CDKN2B-AS1: variants seen among roughly 807,000 people sequenced by gnomAD.
The protein encoded by CDKN2B-AS1 is CDKN2B and CDKN2A antisense cis and trans regulatory RNA 1, also known as CDKN2B antisense RNA 1 (non-protein coding).
intron 4 of CDKN2B-AS1, among the ~76,000 whole-genome samples, chr9:22,126,226 A>G (rs903534290): frequency 6.6e-6 from 1 of 152,220 alleles, no homozygotes; most frequent in African/African-American, 2.4e-5. Context: ...GTTCCAACCT[A>G]TGTTTTTCCA....
chr9:22,123,805 T>A (rs1357629536), intron 4 of CDKN2B-AS1, among the ~76,000 whole-genome samples: 2 of 152,080 alleles, frequency 1.3e-5, no homozygotes, highest in Non-Finnish European at 2.9e-5. Context: ...GTGAGGAAGA[T>A]TTAAAACAAA....
rs1411015630 is a variant in CDKN2B-AS1, at chr9:22,005,231, A to ATC, written n.29+10075_29+10076dup. The ATC allele has an allele frequency of 4.3e-6, 1 of 232,660 alleles. No individual in the cohort carries two copies. Among genetic ancestry groups the ATC allele is most frequent in the African/African-American group, 2.2e-5 (1 of 45,284 alleles). The allele number at this position is 232,660 out of a possible 1,614,324, so 14.4% of individuals were successfully genotyped here. On this transcript the variant is annotated intron_variant and non_coding_transcript_variant, in intron 1 of 4. Coordinates refer to ENST00000650946, the Ensembl canonical transcript of CDKN2B-AS1. The surrounding 1 kb of genome is among the most constrained non-coding windows in gnomAD (Gnocchi z 4.9). Reference sequence around the variant, plus strand: ...TAGTCTGCCTGCGGAACCCGCGGGAATCTCTCCTCAGTGTAGTAAGAGCAA... The same window carrying ATC: ...TAGTCTGCCTGCGGAACCCGCGGGAATCTCTCTCCTCAGTGTAGTAAGAGCAA...
intron 2 of CDKN2B-AS1, among the ~76,000 whole-genome samples, chr9:22,048,228 A>G (rs1202406065): frequency 6.6e-6 from 1 of 152,144 alleles, no homozygotes; most frequent in Non-Finnish European, 1.5e-5. Context: ...TTGCCCATGC[A>G]CTCAGCAGAA....
intron 4 of CDKN2B-AS1, among the ~76,000 whole-genome samples, chr9:22,113,120 C>G (rs374080023): frequency 2.0e-4 from 30 of 152,282 alleles, no homozygotes; most frequent in African/African-American, 6.3e-4. Context: ...TGTGTCAGAC[C>G]TCCAGGCACT....
chr9:22,038,017 A>G lies in CDKN2B-AS1; in HGVS notation n.30-8734A>G, dbSNP rs548032511. On this transcript the variant is annotated intron_variant and non_coding_transcript_variant, in intron 1 of 4. Transcript: ENST00000650946. ...AAAGCAGTCTTGCACAAGTGCTTTG[A>G]AAAGCCTCTTGCACAATTTTATTTC... 3.3e-5 allele frequency among the ~76,000 whole-genome samples: 5 copies of G among 152,210 alleles called. No individual in the cohort carries two copies. The East Asian group carries it at 9.7e-4, about 29-fold the overall frequency.
chr9:22,047,891 G>A (rs1022941563), intron 2 of CDKN2B-AS1, among the ~76,000 whole-genome samples: 10 of 150,862 alleles, frequency 6.6e-5, no homozygotes, highest in South Asian at 2.1e-4. Context: ...GGCTATAGTC[G>A]TCCTCCTGCC....
chr9:22,018,077 A>C (rs1821854392), intron 1 of CDKN2B-AS1, among the ~76,000 whole-genome samples: 1 of 152,134 alleles, frequency 6.6e-6, no homozygotes, highest in African/African-American at 2.4e-5. Flanking sequence ...TAATCCCAGC[A>C]CTTTGGGAGG....
intron 1 of CDKN2B-AS1, among the ~76,000 whole-genome samples, chr9:22,027,443 G>A (rs866498451): frequency 2.6e-5 from 4 of 152,110 alleles, no homozygotes; most frequent in African/African-American, 7.2e-5. Context: ...AGGAGAAGGC[G>A]TTTATCACAT....
At chr9:22,108,858 AG>A (rs2131364899) in intron 4 of CDKN2B-AS1, among the ~76,000 whole-genome samples, 1 of 152,296 alleles carries the variant, frequency 6.6e-6, no homozygotes, top group East Asian at 1.9e-4. Flanking sequence ...GCAAGGGTTT[AG>A]TTTTTGTTCA....
chr9:22,064,414 T>C (rs1823952384), intron 4 of CDKN2B-AS1, among the ~76,000 whole-genome samples: 1 of 151,940 alleles, frequency 6.6e-6, no homozygotes, highest in Non-Finnish European at 1.5e-5. Context: ...ATGGGGTCTT[T>C]CACATAAAGG....
intron 4 of CDKN2B-AS1, among the ~76,000 whole-genome samples, chr9:22,102,140 A>C (rs1477777502): frequency 2.6e-5 from 4 of 152,198 alleles, no homozygotes; most frequent in Non-Finnish European, 4.4e-5. Context: ...TATTGGGCTC[A>C]TGGTAACTGA....
At chr9:22,049,411 C>T (rs1016905864) in intron 3 of CDKN2B-AS1, among the ~76,000 whole-genome samples, 2 of 152,088 alleles carry the variant, frequency 1.3e-5, no homozygotes, top group African/African-American at 4.8e-5. Flanking sequence ...GAAATGCAGC[C>T]CTTTAAATCT....
At chr9:22,102,107 A>T (rs975066859) in intron 4 of CDKN2B-AS1, among the ~76,000 whole-genome samples, 2 of 152,222 alleles carry the variant, frequency 1.3e-5, no homozygotes, top group African/African-American at 4.8e-5. Context: ...TAAAAATTTG[A>T]TAAAAATGGG....
intron 1 of CDKN2B-AS1, chr9:22,012,115 T>C (rs1211273415): frequency 1.1e-6 from 1 of 874,634 alleles, no homozygotes; most frequent in Non-Finnish European, 1.9e-6. Flanking sequence ...TCTGCCATCC[T>C]CTTTTTCTTC....
intron 1 of CDKN2B-AS1, among the ~76,000 whole-genome samples, chr9:22,014,216 G>T (rs1043409534): frequency 5.3e-5 from 8 of 152,058 alleles, no homozygotes; most frequent in Non-Finnish European, 1.0e-4. Context: ...AGGCTGGAGT[G>T]CAGTGGTGTG....
intron 1 of CDKN2B-AS1, among the ~76,000 whole-genome samples, chr9:22,023,045 G>A (rs1434688665): frequency 3.9e-5 from 6 of 152,210 alleles, no homozygotes; most frequent in South Asian, 2.1e-4. Flanking sequence ...CTCTCTGGCT[G>A]CCTTTAACAT....
At chr9:22,008,043 T>G (rs1477533867) in intron 1 of CDKN2B-AS1, among the ~76,000 whole-genome samples, 1 of 152,096 alleles carries the variant, frequency 6.6e-6, no homozygotes, top group African/African-American at 2.4e-5. Flanking sequence ...GTAAAAGAAA[T>G]AAAAAATATC....
At chr9:22,091,371 T>C (rs1166177607) in intron 4 of CDKN2B-AS1, among the ~76,000 whole-genome samples, 1 of 152,312 alleles carries the variant, frequency 6.6e-6, no homozygotes, top group East Asian at 1.9e-4. Context: ...AAGAAAGTCA[T>C]TGGTAGCTTG....
At chr9:22,113,728 T>C (rs1587547925) in intron 4 of CDKN2B-AS1, 2 of 152,208 alleles carry the variant, frequency 1.3e-5, no homozygotes, top group South Asian at 4.1e-4. Flanking sequence ...ACTCCAGTTA[T>C]ACAAACATTA....
Sources: gnomAD v4.1 joint callset for allele counts (sites outside exome capture counted in the v4.1 genomes callset) on GRCh38, gnomAD v4.1.1 for gene constraint, Gnocchi (gnomAD v3.1) non-coding constraint, MANE v1.5 for transcripts, NCBI Gene and HGNC (gene_info 2026-07-23, HGNC 2026-07-21) for gene names.